GFPT2: variants seen among roughly 807,000 people sequenced by gnomAD.
GFPT2 encodes the protein glutamine--fructose-6-phosphate transaminase 2.
Under a neutral mutation model 85.6 loss-of-function variants are expected in GFPT2, and 62 were observed. The observed-to-expected ratio is 0.72, with a 90% CI of 0.59 to 0.90. GFPT2 has a LOEUF of 0.90. GFPT2 is among the 40% of genes least tolerant of loss of function. The pLI is 0.00. For missense variants in GFPT2, 788 were observed against 893.4 expected (o/e 0.88, Z 1.50); for synonymous variants, 368 against 344.5 (o/e 1.07, Z -0.75).
chr5:180,316,820 G>A lies in GFPT2; in HGVS notation c.1096C>T (p.Arg366Ter), dbSNP rs755563095. Residue 366 changes from arginine to a stop codon, truncating the protein, a stop_gained, in exon 12 of 19, where the codon CGA becomes TGA. Transcript: ENST00000253778. LOFTEE classifies it high-confidence loss of function. ...CCAATCACGATGAGCCGTCGGCATCGTCGAATCTCCTTCAAGTGGTCCTTC... is the reference window on the plus strand; with the variant it reads ...CCAATCACGATGAGCCGTCGGCATCATCGAATCTCCTTCAAGTGGTCCTTC... ...GLKDHLKEIR[R>*]CRRLIVIGCG... 27 of 1,613,778 alleles carry A rather than the reference G, an allele frequency of 1.7e-5. No individual in the cohort carries two copies. The highest frequency in any genetic ancestry group is 4.5e-5 in the East Asian group (2 of 44,894).
chr5:180,324,157 C>T (rs1764168969), intron 9 of GFPT2, 31 bp downstream of exon 9: 1 of 1,160,664 alleles, frequency 8.6e-7, no homozygotes, highest in Admixed American at 1.8e-5. Flanking sequence ...TTATGTAATC[C>T]CAGGAAGCGA....
chr5:180,353,122 C>T, intron 1 of GFPT2, 89 bp downstream of exon 1: 1 of 1,119,616 alleles, frequency 8.9e-7, no homozygotes, highest in Non-Finnish European at 1.1e-6. Context: ...GTCCTCGGCG[C>T]CTGCTTGCGG....
chr5:180,310,494 T>C (rs1763858057), intron 15 of GFPT2, among the ~76,000 whole-genome samples: 1 of 151,300 alleles, frequency 6.6e-6, no homozygotes, highest in Non-Finnish European at 1.5e-5. Context: ...CACTGCAACC[T>C]CTGCCTCCTG....
chr5:180,303,925 CA>C (rs1763728935), intron 17 of GFPT2, among the ~76,000 whole-genome samples: 1 of 152,220 alleles, frequency 6.6e-6, no homozygotes, highest in Admixed American at 6.5e-5. Context: ...AGGCCAGCCA[CA>C]TGATTAGAAG....
intron 15 of GFPT2, among the ~76,000 whole-genome samples, chr5:180,311,453 C>T (rs997135915): frequency 1.2e-4 from 19 of 152,252 alleles, no homozygotes; most frequent in African/African-American, 4.6e-4. Context: ...TTTAGTGCAA[C>T]AGATATTGTA....
intron 1 of GFPT2, among the ~76,000 whole-genome samples, chr5:180,349,709 G>A (rs1233398192): frequency 6.6e-6 from 1 of 151,908 alleles, no homozygotes; most frequent in African/African-American, 2.4e-5. Context: ...GTGGTCTCCA[G>A]AACTGTGAGC....
At chr5:180,344,423 T>C (rs1764571181) in intron 1 of GFPT2, among the ~76,000 whole-genome samples, 1 of 152,152 alleles carries the variant, frequency 6.6e-6, no homozygotes, top group East Asian at 1.9e-4. Context: ...ATCACCATTA[T>C]CTAGATGCCA....
rs117244196 is a variant in GFPT2 at position 180,306,707 on chromosome 5, C to A, written c.1674+469G>T. ...GAAACTCTGCGGAGAACCCACCCCT[C>A]AATTTTGGTGGAAAAAAGCGAAGGC... is the stretch of plus-strand genomic sequence containing the variant. On this transcript the variant is annotated intron_variant, in intron 16 of 18. Coordinates refer to ENST00000253778, the MANE Select transcript of GFPT2 (RefSeq NM_005110.4). Among the ~76,000 whole-genome samples the A allele has an allele frequency of 3.8e-3, 574 of 152,324 alleles. 31 individuals carry two copies. In the East Asian group the frequency reaches 0.091, roughly 24 times the overall value.
At chr5:180,336,120 A>C in intron 3 of GFPT2, 167 bp from the exon 4 acceptor site, 1 of 607,936 alleles carries the variant, frequency 1.6e-6, no homozygotes, top group Non-Finnish European at 2.9e-6. Flanking sequence ...ACCCGTGCTG[A>C]AGGTTATTTA....
intron 8 of GFPT2, 105 bp downstream of exon 8, chr5:180,324,711 G>A: frequency 1.3e-6 from 1 of 791,128 alleles, no homozygotes; most frequent in Non-Finnish European, 2.3e-6. Context: ...GTCTGGCTCA[G>A]AGTGGGGTTT....
intron 5 of GFPT2, 72 bp downstream of exon 5, chr5:180,331,423 T>C (rs914439776): frequency 1.0e-5 from 9 of 891,036 alleles, no homozygotes; most frequent in Admixed American, 7.3e-5. Context: ...CGCAAGGAAA[T>C]GAGCTGGCTG....
chr5:180,312,449 A>C lies in GFPT2; in HGVS notation c.1527T>G (p.Arg509=), dbSNP rs1262046476. 1 of 1,593,706 alleles carries C rather than the reference A, an allele frequency of 6.3e-7. No homozygotes were observed. Among genetic ancestry groups the C allele is most frequent in the Non-Finnish European group, 8.6e-7 (1 of 1,161,320 alleles). ...ACATACCAGGTAAAGATCTCAAGCC[A>C]CGGATGATCTCTTGCCTCCTGTTTT... ...SLQNRRQEII[R]GLRSLPELIK... The change falls in exon 15 of 19, where the codon CGT becomes CGG. Residue 509 remains arginine (R), a synonymous_variant. Transcript: ENST00000253778.
Position 180,324,177 on chromosome 5 carries a change from G to A in GFPT2, c.794+11C>T. ...TAATCCCAGGAAGCGAAGAGAAGAA[G>A]GCTCAGTTACCTTGCATCAGAAGCA... On this transcript the variant is annotated intron_variant, in intron 9 of 18. Coordinates refer to ENST00000253778, the MANE Select transcript of GFPT2 (RefSeq NM_005110.4). 7.0e-7 allele frequency: 1 copy of A among 1,433,220 alleles called. No homozygotes were observed. The allele number at this position is 1,433,220 out of a possible 1,614,324, so 88.8% of individuals were successfully genotyped here.
Position 180,332,603 on chromosome 5 carries a change from C to T in GFPT2, c.341-1050G>A, listed in dbSNP as rs1050293657. Among the ~76,000 whole-genome samples, 34 of 152,002 alleles carry T rather than the reference C, an allele frequency of 2.2e-4. 1 individual carries two copies. The highest frequency in any genetic ancestry group is 8.2e-4 in the African/African-American group (34 of 41,372). On this transcript the variant is annotated intron_variant, in intron 4 of 18. Coordinates refer to ENST00000253778, the MANE Select transcript of GFPT2 (RefSeq NM_005110.4). ...CCCAGGCTGGAGTGCAGTGGCGTGA[C>T]CTTGGCTCACCACGACTGCTGCCTC...
At chr5:180,331,763 GCTA>G (rs1291815354) in intron 4 of GFPT2, 1 of 586,434 alleles carries the variant, frequency 1.7e-6, no homozygotes, top group Admixed American at 3.0e-5. Flanking sequence ...TAGGGCAGCG[GCTA>G]CTACAATGGG....
At chr5:180,344,832 C>T (rs1764577254) in intron 1 of GFPT2, among the ~76,000 whole-genome samples, 1 of 152,222 alleles carries the variant, frequency 6.6e-6, no homozygotes, top group Admixed American at 6.5e-5. Flanking sequence ...TCCCCTGTTC[C>T]ACTCCCCTGG....
chr5:180,316,865 C>G lies in GFPT2; in HGVS notation c.1055-4G>C. On this transcript the variant is annotated splice_polypyrimidine_tract_variant and splice_region_variant and intron_variant, in intron 11 of 18. Transcript: ENST00000253778. Reference sequence around the variant, plus strand: ...TCCTTCAAGCCACCCAGGAGCACTGCAGGGCACACGACAAGGCGTTAATGC... The same window carrying G: ...TCCTTCAAGCCACCCAGGAGCACTGGAGGGCACACGACAAGGCGTTAATGC... 6.2e-7 allele frequency: 1 copy of G among 1,610,188 alleles called. No homozygotes were observed. Among genetic ancestry groups the G allele is most frequent in the Non-Finnish European group, 8.5e-7 (1 of 1,176,394 alleles).
chr5:180,318,871 G>T lies in GFPT2; in HGVS notation c.880C>A (p.Arg294=), dbSNP rs749424043. ...AVADGKLSIH[R]VKRSASDDPS... ...TCATCACTGGCCGAGCGCTTGACCC[G>T]GTGAATGGAGAGTTTCCCATCAGCC... is the stretch of plus-strand genomic sequence containing the variant. Residue 294 remains arginine (R), a synonymous_variant, in exon 10 of 19, where the codon CGG becomes AGG. Transcript: ENST00000253778. This position sits in a 1 kb window ranked among gnomAD's most constrained non-coding sequence, Gnocchi z 4.2. The T allele has an allele frequency of 2.5e-6, 4 of 1,613,784 alleles. No individual in the cohort carries two copies. The highest frequency in any genetic ancestry group is 3.4e-6 in the Non-Finnish European group (4 of 1,179,930).
intron 14 of GFPT2, among the ~76,000 whole-genome samples, 159 bp downstream of exon 14, chr5:180,313,648 C>T (rs544715921): frequency 2.0e-5 from 3 of 151,130 alleles, no homozygotes; most frequent in African/African-American, 4.9e-5. Context: ...TACGGGAATC[C>T]AAGAGGGGAG....
Sources: allele counts gnomAD v4.1 joint callset (sites outside exome capture counted in the v4.1 genomes callset), GRCh38; gene constraint gnomAD v4.1.1; non-coding constraint Gnocchi (gnomAD v3.1); transcripts MANE v1.5; gene names NCBI Gene and HGNC (gene_info 2026-07-23, HGNC 2026-07-21).